Variants in GALNT18 observed in about 807,000 individuals in gnomAD.
GALNT18 encodes the protein polypeptide N-acetylgalactosaminyltransferase 18.
In GALNT18, 44 loss-of-function variants were observed where a neutral mutation model predicts 69.5. The ratio of observed to expected loss-of-function variants is 0.63; its 90% CI spans 0.50 to 0.81. The LOEUF is 0.81. Among genes scored for constraint, GALNT18 ranks in the 40% least tolerant of loss-of-function variants. GALNT18 has a pLI of 0.00. For synonymous variants in GALNT18, 364 were observed against 318.2 expected, an observed-to-expected ratio of 1.14 and a Z score of -1.53; for missense variants, 715 against 810.0, an observed-to-expected ratio of 0.88 and a Z score of 1.42.
At chr11:11,357,506 T>C (rs1382817222) in intron 6 of GALNT18, among the ~76,000 whole-genome samples, 1 of 152,218 alleles carries the variant, frequency 6.6e-6, no homozygotes, top group East Asian at 1.9e-4. Flanking sequence ...CTGTCTTCTA[T>C]CACTTCCCCT....
chr11:11,304,418 G>A (rs1449623864), intron 9 of GALNT18, among the ~76,000 whole-genome samples: 1 of 152,134 alleles, frequency 6.6e-6, no homozygotes, highest in Non-Finnish European at 1.5e-5. Flanking sequence ...CCAGATATCT[G>A]ACTACTGGGC....
intron 10 of GALNT18, among the ~76,000 whole-genome samples, chr11:11,291,028 C>T (rs1220096402): frequency 6.6e-6 from 1 of 152,200 alleles, no homozygotes; most frequent in East Asian, 1.9e-4. Flanking sequence ...CCTAACTGTC[C>T]TTCCACACCA....
intron 2 of GALNT18, among the ~76,000 whole-genome samples, chr11:11,447,323 G>C (rs1855677848): frequency 6.6e-6 from 1 of 152,072 alleles, no homozygotes; most frequent in Non-Finnish European, 1.5e-5. Context: ...AAAAATTGCA[G>C]CTCCCCACTC....
At chr11:11,464,507 CTGGTGGGTGGTTCAGAA>C (rs1027546980) in intron 1 of GALNT18, among the ~76,000 whole-genome samples, 23 of 152,308 alleles carry the variant, frequency 1.5e-4, no homozygotes, top group Non-Finnish European at 2.6e-4. Context: ...CCATTTCCTC[CTGGTGGGTGGTTCAGAA>C]AGAAGCTCCC....
chr11:11,570,188 A>T (rs769796341), intron 1 of GALNT18: 8 of 152,372 alleles, frequency 5.3e-5, no homozygotes, highest in Admixed American at 5.2e-4. Flanking sequence ...GTGGGATTCA[A>T]CGTGCTAAAG....
intron 2 of GALNT18, among the ~76,000 whole-genome samples, chr11:11,438,082 TC>T (rs1742907206): frequency 6.6e-6 from 1 of 152,156 alleles, no homozygotes; most frequent in African/African-American, 2.4e-5. Context: ...GGCCCCAGGA[TC>T]GGCACTGTCT....
chr11:11,553,687 C>A (rs956248693), intron 1 of GALNT18, among the ~76,000 whole-genome samples: 2 of 151,958 alleles, frequency 1.3e-5, no homozygotes, highest in South Asian at 2.1e-4. Context: ...AGCTCCCCCC[C>A]AGCACCCCCA....
intron 3 of GALNT18, among the ~76,000 whole-genome samples, chr11:11,385,850 T>C (rs2133704286): frequency 6.6e-6 from 1 of 152,248 alleles, no homozygotes; most frequent in East Asian, 1.9e-4. Flanking sequence ...ATATAATTAG[T>C]TAAGATGAGA....
At chr11:11,289,690 A>G (rs1849263464) in intron 10 of GALNT18, among the ~76,000 whole-genome samples, 1 of 152,168 alleles carries the variant, frequency 6.6e-6, no homozygotes. Context: ...GAGTTACTCC[A>G]GTGGGGACCT....
chr11:11,432,848 C>T lies in GALNT18; in HGVS notation c.429-61G>A, dbSNP rs937687656. The T allele has an allele frequency of 7.8e-6, 12 of 1,544,662 alleles. No individual in the cohort carries two copies. In the African/African-American group the frequency reaches 1.4e-4, roughly 18 times the overall value. Reference sequence around the variant, plus strand: ...CAGCTGGAGTCATCTCAGGAGCTGACCCAGCCCATGTCCTGGCTCCAGCTT... The same window carrying T: ...CAGCTGGAGTCATCTCAGGAGCTGATCCAGCCCATGTCCTGGCTCCAGCTT... On this transcript the variant is annotated intron_variant, in intron 2 of 10. Coordinates refer to ENST00000227756, the MANE Select transcript of GALNT18 (RefSeq NM_198516.3). The surrounding 1 kb of genome is among the most constrained non-coding windows in gnomAD (Gnocchi z 5.8).
Position 11,613,941 on chromosome 11 carries a change from T to G in GALNT18, c.235+7418A>C, listed in dbSNP as rs909354745. On this transcript the variant is annotated intron_variant, in intron 1 of 10. Transcript: ENST00000227756. The surrounding 1 kb of genome is among the most constrained non-coding windows in gnomAD (Gnocchi z 4.2). ...CATTTATCACTCACATTCAGCCGGG[T>G]TTTCCCTCCAGGAACTTTCTGTGTA... Among the ~76,000 whole-genome samples, 2 of 152,114 alleles carry G rather than the reference T, an allele frequency of 1.3e-5. No individual in the cohort carries two copies. The highest frequency in any genetic ancestry group is 1.5e-5 in the Non-Finnish European group (1 of 68,010).
chr11:11,280,745 G>C (rs184442259), intron 10 of GALNT18, among the ~76,000 whole-genome samples: 81 of 152,238 alleles, frequency 5.3e-4, no homozygotes, highest in African/African-American at 1.9e-3. Context: ...ACTTATACTG[G>C]ACAAGAGGCC....
intron 9 of GALNT18, among the ~76,000 whole-genome samples, chr11:11,312,344 G>C (rs1033083925): frequency 1.1e-4 from 17 of 152,190 alleles, no homozygotes; most frequent in African/African-American, 3.9e-4. Context: ...CACATATTTT[G>C]TGTTTTATGT....
intron 1 of GALNT18, among the ~76,000 whole-genome samples, chr11:11,525,347 G>C (rs930179932): frequency 3.9e-5 from 6 of 152,242 alleles, no homozygotes; most frequent in Admixed American, 3.3e-4. Context: ...ATGAGAAGCA[G>C]GGAGCTCAAT....
rs1850044588 is a variant in GALNT18 at position 11,332,916 on chromosome 11, C to G, written c.1279-85G>C. 4.1e-6 allele frequency: 6 copies of G among 1,473,368 alleles called. No homozygotes were observed. The allele number at this position is 1,473,368 out of a possible 1,614,324, so 91.3% of individuals were successfully genotyped here. ...CTCTACTTTGGCATGACCTTGTGCCCCCAACAAGATTCCTAGAGACTGGGG... is the reference window on the plus strand; with the variant it reads ...CTCTACTTTGGCATGACCTTGTGCCGCCAACAAGATTCCTAGAGACTGGGG... On this transcript the variant is annotated intron_variant, in intron 7 of 10. Coordinates refer to ENST00000227756, the MANE Select transcript of GALNT18 (RefSeq NM_198516.3). This position sits in a 1 kb window ranked among gnomAD's most constrained non-coding sequence, Gnocchi z 4.3.
rs1300959417 is a variant in GALNT18 at position 11,586,927 on chromosome 11, G to A, written c.235+34432C>T. On this transcript the variant is annotated intron_variant, in intron 1 of 10. Transcript: ENST00000227756. This position sits in a 1 kb window ranked among gnomAD's most constrained non-coding sequence, Gnocchi z 4.1. ...CACTTGAACCCAGGAGGCGGAGGGTGCAGTGAGCCGAGATCGTGTCAAAGC... is the reference window on the plus strand; with the variant it reads ...CACTTGAACCCAGGAGGCGGAGGGTACAGTGAGCCGAGATCGTGTCAAAGC... Among the ~76,000 whole-genome samples the A allele has an allele frequency of 1.3e-5, 2 of 152,252 alleles. No homozygotes were observed. The highest frequency in any genetic ancestry group is 1.5e-5 in the Non-Finnish European group (1 of 68,028).
chr11:11,275,331 CATAA>C (rs1182923382), intron 10 of GALNT18, among the ~76,000 whole-genome samples: 2 of 131,866 alleles, frequency 1.5e-5, no homozygotes, highest in Non-Finnish European at 3.6e-5. Context: ...CTGTTGGCTG[CATAA>C]ATGTCTTTTG....
chr11:11,301,445 G>A (rs1849493170), intron 9 of GALNT18, among the ~76,000 whole-genome samples: 2 of 152,180 alleles, frequency 1.3e-5, no homozygotes, highest in African/African-American at 4.8e-5. Flanking sequence ...ACAGTGCACT[G>A]ATGCTAAATC....
intron 1 of GALNT18, among the ~76,000 whole-genome samples, chr11:11,490,909 T>G (rs1856757496): frequency 6.6e-6 from 1 of 152,238 alleles, no homozygotes; most frequent in Admixed American, 6.5e-5. Flanking sequence ...TGCACTATTA[T>G]TCTGGCATAG....
Sources: allele counts gnomAD v4.1 joint callset (sites outside exome capture counted in the v4.1 genomes callset), GRCh38; gene constraint gnomAD v4.1.1; non-coding constraint Gnocchi (gnomAD v3.1); transcripts MANE v1.5; gene names NCBI Gene and HGNC (gene_info 2026-07-23, HGNC 2026-07-21).